MAP3K7CL: variants seen among roughly 807,000 people sequenced by gnomAD.
MAP3K7CL encodes MAP3K7 C-terminal-like protein.
In MAP3K7CL, 16 loss-of-function variants were observed where a neutral mutation model predicts 18.6. The observed-to-expected ratio is 0.86, with a 90% CI of 0.58 to 1.31. The LOEUF is 1.31. MAP3K7CL is among the 50% of genes most tolerant of loss of function. The pLI is 0.00. For synonymous variants in MAP3K7CL, 65 were observed against 66.8 expected (o/e 0.97, Z 0.13); for missense variants, 163 against 174.4 (o/e 0.93, Z 0.37).
intron 4 of MAP3K7CL, among the ~76,000 whole-genome samples, chr21:29,100,569 A>C (rs956983405): frequency 1.3e-5 from 2 of 152,268 alleles, no homozygotes; most frequent in Admixed American, 6.5e-5. Flanking sequence ...TCTCTGTAAA[A>C]TGAAGATGAT....
chr21:29,100,517 T>C (rs2086208229), intron 4 of MAP3K7CL, among the ~76,000 whole-genome samples: 1 of 152,150 alleles, frequency 6.6e-6, no homozygotes, highest in African/African-American at 2.4e-5. Flanking sequence ...ACTAGCTGTT[T>C]TGAGTTTGGG....
intron 3 of MAP3K7CL, among the ~76,000 whole-genome samples, chr21:29,156,641 A>G (rs2087411446): frequency 6.6e-6 from 1 of 152,242 alleles, no homozygotes. Context: ...TACAACATAC[A>G]TACACACATT....
At chr21:29,110,758 T>C (rs929100763) in intron 4 of MAP3K7CL, among the ~76,000 whole-genome samples, 9 of 152,196 alleles carry the variant, frequency 5.9e-5, no homozygotes, top group Non-Finnish European at 1.3e-4. Context: ...CCACCCCTTC[T>C]ATTGAATTTT....
rs2086179697 is a variant in MAP3K7CL, at chr21:29,099,300, T to G, written c.370+6719T>G. On this transcript the variant is annotated intron_variant, in intron 4 of 6. Transcript: ENST00000286791. ...TTTTTTTTTTTGTAGAGACGGGATC[T>G]TGCCATGTTGCCCAAGCTGATCTTG... is the stretch of plus-strand genomic sequence containing the variant. Among the ~76,000 whole-genome samples the G allele has an allele frequency of 2.7e-5, 4 of 147,416 alleles. No homozygotes were observed. In the South Asian group the frequency reaches 8.9e-4, roughly 33 times the overall value.
In MAP3K7CL at chr21:29,092,579, T is replaced by TGGGTGAGTATTCC. The variant is rs1337187435; in HGVS notation, c.370_370+12dup. 1 of 1,613,814 alleles carries TGGGTGAGTATTCC rather than the reference T, an allele frequency of 6.2e-7. No homozygotes were observed. ...CCCGTGGAAATCCCCAGCTCCCCTCTGGGTGAGTATTCCGTCCACTTTCTG... is the reference window on the plus strand; with the variant it reads ...CCCGTGGAAATCCCCAGCTCCCCTCTGGGTGAGTATTCCGGGTGAGTATTCCGTCCACTTTCTG... On this transcript the variant is annotated frameshift_variant and splice_region_variant, in exon 4 of 7. Transcript: ENST00000286791. LOFTEE classifies it high-confidence loss of function.
chr21:29,172,276 C>T (rs1223195933), intron 4 of MAP3K7CL, among the ~76,000 whole-genome samples: 2 of 123,434 alleles, frequency 1.6e-5, no homozygotes, highest in Admixed American at 9.2e-5. Flanking sequence ...TCTTTAAATA[C>T]GGAGGAGTTC....
chr21:29,088,154 T>G (rs974146610), intron 1 of MAP3K7CL, among the ~76,000 whole-genome samples: 40 of 152,204 alleles, frequency 2.6e-4, no homozygotes, highest in Admixed American at 5.2e-4. Context: ...ACATTTCACT[T>G]GTGTTCTCAT....
chr21:29,087,696 C>A (rs2085950686), intron 1 of MAP3K7CL, among the ~76,000 whole-genome samples: 1 of 147,832 alleles, frequency 6.8e-6, no homozygotes, highest in East Asian at 2.1e-4. Flanking sequence ...GGGGTTCAAA[C>A]GATTCTCTTG....
intron 3 of MAP3K7CL, among the ~76,000 whole-genome samples, chr21:29,158,960 A>G (rs1368094334): frequency 2.5e-5 from 3 of 120,910 alleles, no homozygotes; most frequent in African/African-American, 1.0e-4. Flanking sequence ...TCACTCTGTC[A>G]CCCAGGCTGG....
chr21:29,093,592 C>T (rs1402400595), intron 4 of MAP3K7CL, among the ~76,000 whole-genome samples: 2 of 152,136 alleles, frequency 1.3e-5, no homozygotes, highest in African/African-American at 4.8e-5. Context: ...CGCCATTCCC[C>T]TGCCTCAGCC....
intron 4 of MAP3K7CL, among the ~76,000 whole-genome samples, chr21:29,112,549 A>G (rs922538825): frequency 6.6e-6 from 1 of 151,850 alleles, no homozygotes; most frequent in East Asian, 1.9e-4. Context: ...TATTTTATAC[A>G]TTTTTATGTT....
chr21:29,162,397 A>G (rs187239321), intron 4 of MAP3K7CL, among the ~76,000 whole-genome samples: 50 of 151,724 alleles, frequency 3.3e-4, no homozygotes, highest in Admixed American at 3.0e-3. Flanking sequence ...AAAATATGGT[A>G]GGGGCCAGAC....
At chr21:29,162,742 G>A (rs1251084180) in intron 4 of MAP3K7CL, among the ~76,000 whole-genome samples, 1 of 151,580 alleles carries the variant, frequency 6.6e-6, no homozygotes, top group African/African-American at 2.4e-5. Flanking sequence ...CCTATCTAAT[G>A]TTTGAAACAT....
intron 4 of MAP3K7CL, among the ~76,000 whole-genome samples, chr21:29,171,399 A>C (rs551288408): frequency 2.0e-5 from 3 of 152,344 alleles, no homozygotes; most frequent in Non-Finnish European, 4.4e-5. Flanking sequence ...TGGGTATCCA[A>C]GGCAGGCCAT....
intron 3 of MAP3K7CL, among the ~76,000 whole-genome samples, chr21:29,150,830 T>C (rs1397573576): frequency 6.7e-6 from 1 of 149,590 alleles, no homozygotes; most frequent in Non-Finnish European, 1.5e-5. Flanking sequence ...AGTGCAGTGA[T>C]GTGATCTCGG....
Position 29,149,191 on chromosome 21 carries a change from G to T in MAP3K7CL, c.73G>T (p.Asp25Tyr), listed in dbSNP as rs1282241433. 4.3e-6 allele frequency: 7 copies of T among 1,613,674 alleles called. No homozygotes were observed. Among genetic ancestry groups the T allele is most frequent in the Non-Finnish European group, 5.9e-6 (7 of 1,179,630 alleles). ...ATCATTTTATTTCCTTGTTTTAGAT[G>T]ATACACCCCCTGAAGACTCCATTCC... ...IAFSLNDASD[D>Y]TPPEDSIPLV... is the part of the protein sequence containing the mutation. The change falls in exon 3 of 5, where the codon GAT becomes TAT. Residue 25 changes from aspartate to tyrosine, a missense_variant and splice_region_variant. Asp to Tyr is a radical substitution (Grantham distance 160). Coordinates refer to ENST00000399928, the MANE Select transcript of MAP3K7CL (RefSeq NM_001286620.2).
chr21:29,140,528 G>A (rs1234082883), intron 2 of MAP3K7CL, among the ~76,000 whole-genome samples: 2 of 152,206 alleles, frequency 1.3e-5, no homozygotes, highest in Admixed American at 6.5e-5. Flanking sequence ...CATAGAAGGA[G>A]GGTTCAAAGC....
chr21:29,149,156 A>G (rs375740460), intron 2 of MAP3K7CL, 33 bp from the exon 3 acceptor site: 71 of 1,590,272 alleles, frequency 4.5e-5, no homozygotes, highest in Non-Finnish European at 6.0e-5. Context: ...AAAGAGCTCC[A>G]TAGTGAAGAA....
At chr21:29,141,437 TG>T (rs1280686145) in intron 2 of MAP3K7CL, among the ~76,000 whole-genome samples, 3 of 150,774 alleles carry the variant, frequency 2.0e-5, no homozygotes, top group African/African-American at 7.3e-5. Flanking sequence ...CGCTTGAACC[TG>T]GGAGGCAGAG....
Sources: allele counts gnomAD v4.1 joint callset (sites outside exome capture counted in the v4.1 genomes callset), GRCh38; gene constraint gnomAD v4.1.1; transcripts MANE v1.5; gene names NCBI Gene and HGNC (gene_info 2026-07-23, HGNC 2026-07-21).